The following UGT1A8 variants were observed in gnomAD, a reference collection of about 807,000 sequenced individuals.
UGT1A8 encodes UDP-glucuronosyltransferase 1A8.
In UGT1A8, 39 loss-of-function variants were observed where a neutral mutation model predicts 45.3. The observed-to-expected ratio is 0.86, with a 90% confidence interval of 0.67 to 1.12. UGT1A8 has a LOEUF of 1.12. Among genes scored for constraint, UGT1A8 ranks in the 50% most tolerant of loss-of-function variants. UGT1A8 has a pLI of 0.00. For synonymous variants in UGT1A8, 275 were observed against 249.2 expected (o/e 1.10, Z -0.97); for missense variants, 719 against 664.9 (o/e 1.08, Z -0.90).
At chr2:233,768,049 C>A in intron 3 of UGT1A8, 113 bp downstream of exon 3, 1 of 1,606,778 alleles carries the variant, frequency 6.2e-7, no homozygotes, top group Non-Finnish European at 8.5e-7. Flanking sequence ...GCCAACATAT[C>A]CTACATTGCT....
At chr2:233,648,776 C>A in intron 1 of UGT1A8, 3 of 830,612 alleles carry the variant, frequency 3.6e-6, no homozygotes, top group Admixed American at 2.0e-5. Flanking sequence ...GATGCCATGA[C>A]TTTTAAGGAG....
At chr2:233,658,354 T>C (rs1401332327) in intron 1 of UGT1A8, among the ~76,000 whole-genome samples, 1 of 152,172 alleles carries the variant, frequency 6.6e-6, no homozygotes, top group Non-Finnish European at 1.5e-5. Context: ...CTATAGCATA[T>C]TATCACAACT....
intron 1 of UGT1A8, among the ~76,000 whole-genome samples, chr2:233,703,849 A>G (rs1436241192): frequency 6.6e-6 from 1 of 151,928 alleles, no homozygotes; most frequent in Non-Finnish European, 1.5e-5. Context: ...CACATTTAAT[A>G]CTATTATTGA....
chr2:233,743,267 C>T (rs1692250223), intron 1 of UGT1A8: 1 of 463,686 alleles, frequency 2.2e-6, no homozygotes, highest in Non-Finnish European at 4.0e-6. Flanking sequence ...TCTTCCTCCA[C>T]TTCCACCCTT....
At chr2:233,745,320 A>T (rs1693070605) in intron 1 of UGT1A8, among the ~76,000 whole-genome samples, 1 of 151,792 alleles carries the variant, frequency 6.6e-6, no homozygotes, top group African/African-American at 2.4e-5. Flanking sequence ...TTTCCACTAG[A>T]ACTGCTATAT....
chr2:233,755,063 G>C (rs776771090), intron 1 of UGT1A8: 3 of 1,334,898 alleles, frequency 2.2e-6, no homozygotes, highest in Non-Finnish European at 3.0e-6. Context: ...CCCTCGCCTC[G>C]CCATAGCGGT....
At chr2:233,689,322 A>T (rs1279672784) in intron 1 of UGT1A8, among the ~76,000 whole-genome samples, 1 of 152,264 alleles carries the variant, frequency 6.6e-6, no homozygotes, top group Non-Finnish European at 1.5e-5. Flanking sequence ...AAACATCTAC[A>T]CTGAGATTTG....
chr2:233,745,046 G>T (rs1021131728), intron 1 of UGT1A8, among the ~76,000 whole-genome samples: 1 of 151,780 alleles, frequency 6.6e-6, no homozygotes, highest in African/African-American at 2.4e-5. Flanking sequence ...TACAGTATTG[G>T]TTTTTTATTT....
intron 1 of UGT1A8, among the ~76,000 whole-genome samples, chr2:233,737,957 G>A (rs779523802): frequency 7.9e-5 from 12 of 151,950 alleles, no homozygotes; most frequent in Non-Finnish European, 1.6e-4. Context: ...CCCAACATGA[G>A]GTCACACTAG....
In UGT1A8 at chr2:233,700,131, GCTGTTTGTCTCC is replaced by G. The variant is rs1446119494; in HGVS notation, c.856-66900_856-66889del. On this transcript the variant is annotated intron_variant, in intron 1 of 4. Coordinates refer to ENST00000373450, the MANE Select transcript of UGT1A8 (RefSeq NM_019076.5). ...CAAGGATCCTGTGCCCACCCTCTGA[GCTGTTTGTCTCC>G]CTATAGGGGTCTTTACAAGGAATGC... 7.9e-5 allele frequency among the ~76,000 whole-genome samples: 12 copies of G among 152,312 alleles called. No individual in the cohort carries two copies. In the East Asian group the frequency reaches 2.3e-3, roughly 29 times the overall value.
intron 1 of UGT1A8, chr2:233,648,165 G>T (rs1488137741): frequency 7.5e-6 from 8 of 1,065,342 alleles, no homozygotes; most frequent in Admixed American, 7.2e-5. Flanking sequence ...CTCTATTAAT[G>T]AGTTCATCCA....
chr2:233,664,713 CA>C (rs1404564467), intron 1 of UGT1A8, among the ~76,000 whole-genome samples: 1 of 152,198 alleles, frequency 6.6e-6, no homozygotes, highest in Non-Finnish European at 1.5e-5. Flanking sequence ...CCCCATGATC[CA>C]AACACCTCCC....
At chr2:233,748,883 A>T (rs1047977403) in intron 1 of UGT1A8, among the ~76,000 whole-genome samples, 3 of 151,568 alleles carry the variant, frequency 2.0e-5, no homozygotes, top group African/African-American at 7.3e-5. Context: ...TGATGAATGG[A>T]CATGTGTCCA....
At chr2:233,626,108 T>C (rs922963161) in intron 1 of UGT1A8, among the ~76,000 whole-genome samples, 2 of 151,946 alleles carry the variant, frequency 1.3e-5, no homozygotes, top group Non-Finnish European at 2.9e-5. Flanking sequence ...GTGCACTTGG[T>C]GTAAATTTAT....
At chr2:233,680,025 T>C (rs2074471699) in intron 1 of UGT1A8, among the ~76,000 whole-genome samples, 1 of 152,138 alleles carries the variant, frequency 6.6e-6, no homozygotes. Context: ...CTCTCTCTCT[T>C]TTTTCTTTTT....
At chr2:233,724,313 C>A (rs1238022468) in intron 1 of UGT1A8, among the ~76,000 whole-genome samples, 22 of 136,830 alleles carry the variant, frequency 1.6e-4, no homozygotes, top group Non-Finnish European at 2.9e-4. Context: ...CCCTCCCGGA[C>A]GGGGCGGCTG....
chr2:233,740,284 G>T (rs932768125), intron 1 of UGT1A8, among the ~76,000 whole-genome samples: 1 of 151,852 alleles, frequency 6.6e-6, no homozygotes, highest in Non-Finnish European at 1.5e-5. Flanking sequence ...ATACTGAAAG[G>T]GTTTAAAGGA....
intron 1 of UGT1A8, among the ~76,000 whole-genome samples, chr2:233,665,131 T>C (rs961900542): frequency 6.6e-6 from 1 of 152,216 alleles, no homozygotes; most frequent in Admixed American, 6.5e-5. Context: ...GCTGGACATA[T>C]TGTTCTTTAC....
chr2:233,691,690 A>G, intron 1 of UGT1A8: 9 of 347,980 alleles, frequency 2.6e-5, no homozygotes, highest in Non-Finnish European at 3.1e-5. Flanking sequence ...CCTGAAGCTC[A>G]GGAGAGGAGT....
Sources: allele counts gnomAD v4.1 joint callset (sites outside exome capture counted in the v4.1 genomes callset), GRCh38; gene constraint gnomAD v4.1.1; transcripts MANE v1.5; gene names NCBI Gene and HGNC (gene_info 2026-07-23, HGNC 2026-07-21).